The following GPC6 variants were observed in gnomAD, a reference collection of about 807,000 sequenced individuals.
The protein encoded by GPC6 is glypican 6, also known as glypican-6.
GPC6 carries 14 observed loss-of-function variants against 55.2 expected under a neutral mutation model. The ratio of observed to expected loss-of-function variants is 0.25; its 90% CI spans 0.17 to 0.40. The LOEUF (loss-of-function observed/expected upper bound fraction) is 0.40. Among genes scored for constraint, GPC6 ranks in the 10% least tolerant of loss-of-function variants. The pLI is 1.00. For synonymous variants in GPC6, 278 were observed against 259.6 expected (o/e 1.07, Z -0.68); for missense variants, 641 against 708.5 (o/e 0.90, Z 1.08).
intron 1 of GPC6, among the ~76,000 whole-genome samples, chr13:93,266,160 T>C (rs890855285): frequency 1.3e-5 from 2 of 152,198 alleles, no homozygotes; most frequent in African/African-American, 4.8e-5. Context: ...GAAAAAGTAG[T>C]AATTAGTTAT....
chr13:94,064,243 C>G (rs151050511), intron 4 of GPC6, among the ~76,000 whole-genome samples: 2 of 152,264 alleles, frequency 1.3e-5, no homozygotes, highest in African/African-American at 4.8e-5. Flanking sequence ...CATTTCAGTT[C>G]GTCTATCTAA....
chr13:93,368,374 T>C (rs143779884), intron 1 of GPC6, among the ~76,000 whole-genome samples: 1 of 118,334 alleles, frequency 8.5e-6, no homozygotes, highest in Admixed American at 9.8e-5. Context: ...CCTTCCTTCC[T>C]TCCTTCCTTC....
intron 4 of GPC6, among the ~76,000 whole-genome samples, chr13:94,230,340 TG>T (rs886530583): frequency 1.3e-5 from 2 of 152,092 alleles, no homozygotes; most frequent in Non-Finnish European, 2.9e-5. Context: ...GGCTTTCCCA[TG>T]ACCTCCACCC....
intron 4 of GPC6, among the ~76,000 whole-genome samples, chr13:94,196,270 T>A (rs941600485): frequency 2.6e-5 from 4 of 152,090 alleles, no homozygotes; most frequent in Non-Finnish European, 5.9e-5. Flanking sequence ...AGAAATTTTT[T>A]AAAATTTTTT....
At chr13:93,790,351 G>A (rs1885991137) in intron 2 of GPC6, among the ~76,000 whole-genome samples, 1 of 152,096 alleles carries the variant, frequency 6.6e-6, no homozygotes. Flanking sequence ...TGTAAATGTG[G>A]ACACTACAGA....
intron 4 of GPC6, among the ~76,000 whole-genome samples, chr13:94,141,433 T>A (rs1887375304): frequency 6.6e-6 from 1 of 152,148 alleles, no homozygotes; most frequent in Non-Finnish European, 1.5e-5. Context: ...TATAACTCGG[T>A]CTCTTAGTGT....
intron 3 of GPC6, among the ~76,000 whole-genome samples, chr13:93,847,942 A>G (rs1362180724): frequency 6.6e-6 from 1 of 152,124 alleles, no homozygotes; most frequent in Non-Finnish European, 1.5e-5. Flanking sequence ...TCTCTTCGTT[A>G]AATTAATTTA....
chr13:93,558,172 A>G (rs1875578755), intron 2 of GPC6, among the ~76,000 whole-genome samples: 1 of 152,198 alleles, frequency 6.6e-6, no homozygotes, highest in South Asian at 2.1e-4. Flanking sequence ...TAAAATAAGT[A>G]TAATAATACC....
intron 1 of GPC6, among the ~76,000 whole-genome samples, chr13:93,464,325 A>G (rs894450215): frequency 6.6e-6 from 1 of 152,188 alleles, no homozygotes; most frequent in Admixed American, 6.5e-5. Context: ...TCCCTGTAGC[A>G]TGTGATCCTA....
intron 4 of GPC6, among the ~76,000 whole-genome samples, chr13:94,140,422 A>G (rs1887332750): frequency 6.6e-6 from 1 of 152,198 alleles, no homozygotes; most frequent in Non-Finnish European, 1.5e-5. Flanking sequence ...TAGAATTGGA[A>G]CCAGTAGTAA....
intron 5 of GPC6, among the ~76,000 whole-genome samples, chr13:94,292,027 T>G (rs1465956054): frequency 6.6e-6 from 1 of 152,222 alleles, no homozygotes; most frequent in African/African-American, 2.4e-5. Flanking sequence ...TATTTATAAC[T>G]GCCAACTCGT....
chr13:93,474,044 C>T (rs1054534000), intron 1 of GPC6, among the ~76,000 whole-genome samples: 8 of 152,322 alleles, frequency 5.3e-5, no homozygotes, highest in East Asian at 1.9e-4. Flanking sequence ...GCAGCTGCTC[C>T]GGATTGCCTG....
At chr13:94,389,450 A>G (rs2139216505) in intron 7 of GPC6, among the ~76,000 whole-genome samples, 1 of 152,296 alleles carries the variant, frequency 6.6e-6, no homozygotes, top group Non-Finnish European at 1.5e-5. Flanking sequence ...ACAGGTTAGA[A>G]CTTTGTCAGG....
chr13:93,931,767 A>G (rs1400613542), intron 3 of GPC6, among the ~76,000 whole-genome samples: 1 of 116,718 alleles, frequency 8.6e-6, no homozygotes, highest in African/African-American at 3.7e-5. Context: ...CTGTCTCAGA[A>G]AAAAAAAAAA....
chr13:93,834,207 A>G (rs745375523), intron 3 of GPC6, among the ~76,000 whole-genome samples: 6 of 152,312 alleles, frequency 3.9e-5, no homozygotes, highest in Middle Eastern at 3.4e-3. Flanking sequence ...ATCTTTTACA[A>G]TGACATAGAA....
At chr13:94,188,415 T>C (rs1328887773) in intron 4 of GPC6, among the ~76,000 whole-genome samples, 1 of 152,112 alleles carries the variant, frequency 6.6e-6, no homozygotes, top group African/African-American at 2.4e-5. Flanking sequence ...TATAGGGGAA[T>C]AGAAGATTTT....
rs74578680 is a variant in GPC6 at position 93,576,513 on chromosome 13, A to G, written c.319+31092A>G. On this transcript the variant is annotated intron_variant, in intron 2 of 8. Transcript: ENST00000377047. ...CTCTGGTGATATCTTCCTATGACAC[A>G]GGTTTTTTAATATTTTTATGCATAA... Among the ~76,000 whole-genome samples, 1,196 of 152,220 alleles carry G rather than the reference A, an allele frequency of 7.9e-3. 7 individuals carry two copies. The highest frequency in any genetic ancestry group is 0.014 in the Non-Finnish European group (929 of 67,970).
chr13:93,682,216 G>A (rs1881869469), intron 2 of GPC6, among the ~76,000 whole-genome samples: 1 of 152,104 alleles, frequency 6.6e-6, no homozygotes. Context: ...CCAATTTATG[G>A]GGCAGTGTCC....
At chr13:93,293,777 A>C (rs1260327576) in intron 1 of GPC6, among the ~76,000 whole-genome samples, 1 of 152,166 alleles carries the variant, frequency 6.6e-6, no homozygotes, top group Non-Finnish European at 1.5e-5. Flanking sequence ...ACATGTAATT[A>C]GTACACAGAG....
Sources: allele counts gnomAD v4.1 joint callset (sites outside exome capture counted in the v4.1 genomes callset), GRCh38; gene constraint gnomAD v4.1.1; transcripts MANE v1.5; gene names NCBI Gene and HGNC (gene_info 2026-07-23, HGNC 2026-07-21).